UBN2: variants seen among roughly 807,000 people sequenced by gnomAD.
UBN2 encodes ubinuclein 2, also known as ubinuclein-2.
A neutral mutation model predicts 120.2 loss-of-function variants in UBN2; 35 were observed. That is an observed-to-expected ratio of 0.29 (90% CI 0.22 to 0.39). The LOEUF (loss-of-function observed/expected upper bound fraction) is 0.39. Among genes scored for constraint, UBN2 ranks in the 10% least tolerant of loss-of-function variants. The probability of loss-of-function intolerance (pLI) is 1.00; values close to 1 mark genes in which losing one functional copy is unlikely to be tolerated. For synonymous variants in UBN2, 661 were observed against 648.7 expected (o/e 1.02, Z -0.29); for missense variants, 1,693 against 1,663.2 (o/e 1.02, Z -0.31).
intron 12 of UBN2, among the ~76,000 whole-genome samples, chr7:139,278,973 A>G (rs1054924817): frequency 2.6e-5 from 4 of 151,996 alleles, no homozygotes; most frequent in Non-Finnish European, 5.9e-5. Flanking sequence ...GTTTTGGTTA[A>G]GTTAAATCTC....
intron 5 of UBN2, 130 bp downstream of exon 5, chr7:139,259,500 T>A: frequency 8.1e-7 from 1 of 1,232,918 alleles, no homozygotes; most frequent in Non-Finnish European, 1.1e-6. Flanking sequence ...GACATATTAG[T>A]GACTTATGTT....
In UBN2 at chr7:139,306,612, A is replaced by C. The variant is rs117712094; in HGVS notation, c.*8776A>C. 1 of 152,194 alleles carries C rather than the reference A, an allele frequency of 6.6e-6. No homozygotes were observed. The highest frequency in any genetic ancestry group is 1.9e-4 in the East Asian group (1 of 5,196). The allele number at this position is 152,194 out of a possible 1,614,324, so 9.4% of individuals were successfully genotyped here. A position where few individuals can be genotyped will look rare whatever the true frequency, so the allele number is the denominator to read the frequency against. On this transcript the variant is annotated 3_prime_UTR_variant, in exon 18 of 18. Transcript: ENST00000473989. ...AGCCTACAAGTATTTCCTGTGATCC[A>C]TGGCAAGCCTCCAGAGAAAAGATTC...
chr7:139,271,178 A>G (rs1324589213), intron 8 of UBN2, among the ~76,000 whole-genome samples: 1 of 152,212 alleles, frequency 6.6e-6, no homozygotes, highest in African/African-American at 2.4e-5. Flanking sequence ...ATTTTTAAAC[A>G]TGGGATTTTA....
At chr7:139,250,915 T>C (rs1219474885) in intron 2 of UBN2, among the ~76,000 whole-genome samples, 1 of 152,150 alleles carries the variant, frequency 6.6e-6, no homozygotes, top group East Asian at 1.9e-4. Flanking sequence ...AAGAACAGCC[T>C]GGGCAACATA....
chr7:139,283,781 G>A lies in UBN2; in HGVS notation c.2876G>A (p.Ser959Asn). The A allele has an allele frequency of 1.2e-6, 2 of 1,613,898 alleles. No homozygotes were observed. Among genetic ancestry groups the A allele is most frequent in the Non-Finnish European group, 1.7e-6 (2 of 1,180,030 alleles). The stretch of plus-strand genomic sequence containing the variant: ...CAGACCAACCCCGTCGTGAAGTTAA[G>A]TAATAATCCCCAACTCTCCTGTTCC... ...KSQTNPVVKL[S>N]NNPQLSCSSS... Residue 959 changes from serine to asparagine, a missense_variant, in exon 15 of 18, where the codon AGT (serine) becomes AAT (asparagine). Transcript: ENST00000473989.
Position 139,269,650 on chromosome 7 carries a change from G to T in UBN2, c.1596+127G>T. 1.9e-6 allele frequency: 2 copies of T among 1,043,408 alleles called. 1 individual carries two copies. The highest frequency in any genetic ancestry group is 3.8e-5 in the South Asian group (2 of 52,610). 64.6% of individuals were successfully genotyped at this position (1,043,408 alleles called of 1,614,324 possible). A position where few individuals can be genotyped will look rare whatever the true frequency, so the allele number is the denominator to read the frequency against. On this transcript the variant is annotated intron_variant, in intron 8 of 17. Transcript: ENST00000473989. ...TTGTATGTATTTAATAACCATAGGA[G>T]GTTATTAAAAGTATGTTGGATCCCC...
the UBN2 span, among the ~76,000 whole-genome samples, chr7:139,314,677 G>T: frequency 6.6e-6 from 1 of 151,630 alleles, no homozygotes; most frequent in African/African-American, 2.4e-5. Context: ...GTAGAGACAG[G>T]GTCTCACCAT....
rs972188872 is a variant in UBN2 at position 139,302,979 on chromosome 7, C to A, written c.*5143C>A. 6.6e-6 allele frequency: 1 copy of A among 152,162 alleles called. No homozygotes were observed. The highest frequency in any genetic ancestry group is 2.4e-5 in the African/African-American group (1 of 41,418). 9.4% of individuals were successfully genotyped at this position (152,162 alleles called of 1,614,324 possible). On this transcript the variant is annotated 3_prime_UTR_variant, in exon 18 of 18. Coordinates refer to ENST00000473989, the MANE Select transcript of UBN2 (RefSeq NM_173569.4). ...TAGACTAAACATGTGACAAGGCTAG[C>A]GTTAGAACCGCAGTTTGGTGTCTAA...
At chr7:139,269,352 A>G (rs961761630) in intron 7 of UBN2, 42 bp from the exon 8 acceptor site, 17 of 1,582,230 alleles carry the variant, frequency 1.1e-5, no homozygotes, top group Non-Finnish European at 1.5e-5. Flanking sequence ...GCCACCTAAA[A>G]TAAATTCTAT....
intron 1 of UBN2, among the ~76,000 whole-genome samples, chr7:139,235,370 T>G (rs1157587493): frequency 6.6e-6 from 1 of 152,144 alleles, no homozygotes; most frequent in Non-Finnish European, 1.5e-5. Context: ...GTTTATGTTT[T>G]TCATTGGTAA....
chr7:139,286,768 T>G (rs1205724580), intron 15 of UBN2, among the ~76,000 whole-genome samples: 2 of 152,226 alleles, frequency 1.3e-5, no homozygotes, highest in African/African-American at 2.4e-5. Context: ...CTGTCTCCTA[T>G]TTATGTGGAA....
chr7:139,284,519 C>T lies in UBN2; in HGVS notation c.3614C>T (p.Thr1205Ile), dbSNP rs1797722952. The T allele has an allele frequency of 1.9e-6, 3 of 1,614,018 alleles. No homozygotes were observed. Among genetic ancestry groups the T allele is most frequent in the East Asian group, 2.2e-5 (1 of 44,886 alleles). ...CAGGGTGCTACCAAACCATTGTCTA[C>T]TCCACATAGACCATCCACTGCCTCA... The part of the protein sequence containing the change: ...GTQGATKPLS[T>I]PHRPSTASGS... The change falls in exon 15 of 18, where the codon ACT becomes ATT. Residue 1205 changes from threonine to isoleucine, a missense_variant. This residue lies in a region of UBN2 where 837 missense variants were observed against 817.6 expected (regional missense o/e 1.02). Coordinates refer to ENST00000473989, the MANE Select transcript of UBN2 (RefSeq NM_173569.4).
intron 2 of UBN2, among the ~76,000 whole-genome samples, chr7:139,246,341 A>G (rs568407171): frequency 6.6e-6 from 1 of 152,256 alleles, no homozygotes; most frequent in African/African-American, 2.4e-5. Flanking sequence ...CTCCAGCCTG[A>G]GCGGCAACAG....
rs904644544 is a variant in UBN2 at position 139,301,821 on chromosome 7, A to AT, written c.*3986dup. The stretch of plus-strand genomic sequence containing the variant: ...TCAGCACTGTAATTCTGCTGACCTA[A>AT]TGTTCTCAAAAGAGGCACTTTTACT... On this transcript the variant is annotated 3_prime_UTR_variant, in exon 18 of 18. Transcript: ENST00000473989. The AT allele has an allele frequency of 1.3e-5, 2 of 152,006 alleles. No homozygotes were observed. Among genetic ancestry groups the AT allele is most frequent in the African/African-American group, 4.8e-5 (2 of 41,396 alleles). 9.4% of individuals were successfully genotyped at this position (152,006 alleles called of 1,614,324 possible). A position where few individuals can be genotyped will look rare whatever the true frequency, so the allele number is the denominator to read the frequency against.
chr7:139,241,402 G>T (rs1174740958), intron 2 of UBN2, among the ~76,000 whole-genome samples: 1 of 152,128 alleles, frequency 6.6e-6, no homozygotes, highest in Non-Finnish European at 1.5e-5. Context: ...ATTCTGCCAG[G>T]CATTTATTAA....
rs142680771 is a variant in UBN2, at chr7:139,273,461, C to G, written c.1829+51C>G. 4.5e-4 allele frequency: 553 copies of G among 1,224,354 alleles called. 5 individuals are homozygous for G. In the African/African-American group the frequency reaches 7.5e-3, roughly 17 times the overall value. 75.8% of individuals were successfully genotyped at this position (1,224,354 alleles called of 1,614,324 possible). ...TAATATATAATGCAGAAGTAAGATT[C>G]CTCATTAAAAAAAAATCTATAATAA... is the stretch of plus-strand genomic sequence containing the variant. On this transcript the variant is annotated intron_variant, in intron 10 of 17. Coordinates refer to ENST00000473989, the MANE Select transcript of UBN2 (RefSeq NM_173569.4).
At chr7:139,259,487 A>G in intron 5 of UBN2, 117 bp downstream of exon 5, 2 of 1,338,714 alleles carry the variant, frequency 1.5e-6, no homozygotes, top group Non-Finnish European at 2.0e-6. Context: ...TTAGTACGTT[A>G]TTGACATATT....
At position 139,259,358 on chromosome 7, in the gene UBN2, C is replaced by T. The variant is rs753832932; in HGVS notation, c.893C>T (p.Pro298Leu). 4 of 1,613,648 alleles carry T rather than the reference C, an allele frequency of 2.5e-6. No homozygotes were observed. Among genetic ancestry groups the T allele is most frequent in the African/African-American group, 1.3e-5 (1 of 74,876 alleles). The change falls in exon 5 of 18, where the codon CCC (proline) becomes CTC (leucine). Residue 298 changes from proline (P) to leucine (L), a missense_variant. Physicochemically the swap from Pro to Leu is moderately conservative, Grantham distance 98 (BLOSUM62 -3). Transcript: ENST00000473989. Reference sequence around the variant, plus strand: ...GAGAAGAAGCCAAGGAAAAAAGTTCCCAAACAACTGGGGTACGTTAAATTA... The same window carrying T: ...GAGAAGAAGCCAAGGAAAAAAGTTCTCAAACAACTGGGGTACGTTAAATTA... The part of the protein sequence containing the change: ...EKEKKPRKKV[P>L]KQLGVVALNS...
intron 15 of UBN2, among the ~76,000 whole-genome samples, chr7:139,285,153 C>T (rs1019341566): frequency 2.0e-5 from 3 of 152,050 alleles, no homozygotes; most frequent in Middle Eastern, 3.2e-3. Flanking sequence ...TTTTCCCGTT[C>T]GTGAATTTTT....
Sources: allele counts gnomAD v4.1 joint callset (sites outside exome capture counted in the v4.1 genomes callset), GRCh38; gene constraint gnomAD v4.1.1; regional missense constraint gnomAD v4.1.1; transcripts MANE v1.5; gene names NCBI Gene and HGNC (gene_info 2026-07-23, HGNC 2026-07-21).